The following DPP4 variants were observed in gnomAD, a reference collection of about 807,000 sequenced individuals.
DPP4 encodes the protein dipeptidyl peptidase 4, also known as ADCP-2.
A neutral mutation model predicts 122.4 loss-of-function variants in DPP4; 93 were observed. The ratio of observed to expected loss-of-function variants is 0.76; its 90% confidence interval spans 0.64 to 0.90. DPP4 has a LOEUF of 0.90. Among genes scored for constraint, DPP4 ranks in the 40% least tolerant of loss-of-function variants. The probability of loss-of-function intolerance (pLI) is 0.00; values close to 1 mark genes in which losing one functional copy is unlikely to be tolerated. For missense variants in DPP4, 914 were observed against 907.3 expected (o/e 1.01, Z -0.09); for synonymous variants, 321 against 302.9 (o/e 1.06, Z -0.62).
At chr2:162,017,216 G>A in intron 16 of DPP4, 61 bp from the exon 17 acceptor site, 1 of 1,438,238 alleles carries the variant, frequency 7.0e-7, no homozygotes, top group South Asian at 1.3e-5. Context: ...AGATAGTATA[G>A]ATGACTTTTC....
intron 4 of DPP4, 29 bp from the exon 5 acceptor site, chr2:162,045,641 T>C: frequency 2.0e-6 from 3 of 1,518,638 alleles, no homozygotes; most frequent in Non-Finnish European, 2.7e-6. Flanking sequence ...AAAGAAAAAT[T>C]GAACAATTCC....
chr2:162,073,459 G>A lies in DPP4; in HGVS notation c.34C>T (p.Leu12=), dbSNP rs1160988317. 2 of 1,614,076 alleles carry A rather than the reference G, an allele frequency of 1.2e-6. No individual in the cohort carries two copies. The highest frequency in any genetic ancestry group is 1.7e-6 in the Non-Finnish European group (2 of 1,180,022). Residue 12 remains leucine (L), a synonymous_variant, in exon 2 of 26, where the codon CTG becomes TTG. Transcript: ENST00000360534. ...KTPWKVLLGL[L]GAAALVTIIT... ...ATGGTGACAAGCGCAGCAGCACCCAGCAGTCCCAGAAGAACCTTCCACGGT... is the reference window on the plus strand; with the variant it reads ...ATGGTGACAAGCGCAGCAGCACCCAACAGTCCCAGAAGAACCTTCCACGGT...
intron 25 of DPP4, among the ~76,000 whole-genome samples, chr2:161,994,507 T>C (rs2106066538): frequency 6.6e-6 from 1 of 152,344 alleles, no homozygotes; most frequent in South Asian, 2.1e-4. Flanking sequence ...GATCACCTTG[T>C]AATTGCAAAA....
At position 161,995,179 on chromosome 2, in the gene DPP4, G is replaced by T. The variant is rs1392391132; in HGVS notation, c.2125+121C>A. 3.8e-6 allele frequency: 5 copies of T among 1,305,754 alleles called. No homozygotes were observed. In the Admixed American group the frequency reaches 5.2e-5, roughly 14 times the overall value. 80.9% of individuals were successfully genotyped at this position (1,305,754 alleles called of 1,614,324 possible). On this transcript the variant is annotated intron_variant, in intron 24 of 25. Transcript: ENST00000360534. ...TTTAGCCCAAGACAAGTGACTTGTG[G>T]AAAGCAACACTGTTTTATTGAAGTA...
chr2:162,015,427 T>C (rs1038166241), intron 18 of DPP4, among the ~76,000 whole-genome samples: 1 of 151,938 alleles, frequency 6.6e-6, no homozygotes, highest in African/African-American at 2.4e-5. Flanking sequence ...GTCTCTATTA[T>C]AATTTCAATA....
chr2:162,028,224 T>C (rs886079420), intron 10 of DPP4, among the ~76,000 whole-genome samples: 1 of 152,098 alleles, frequency 6.6e-6, no homozygotes, highest in East Asian at 1.9e-4. Flanking sequence ...TAGTCAGGCA[T>C]GGTGGGGCGC....
At chr2:162,069,622 A>G (rs530513806) in intron 2 of DPP4, among the ~76,000 whole-genome samples, 6 of 152,236 alleles carry the variant, frequency 3.9e-5, no homozygotes, top group Non-Finnish European at 8.8e-5. Flanking sequence ...GGTTGACAAT[A>G]GTTAACTGAG....
chr2:162,060,266 G>A (rs557116451), intron 2 of DPP4, among the ~76,000 whole-genome samples: 1 of 152,274 alleles, frequency 6.6e-6, no homozygotes, highest in South Asian at 2.1e-4. Context: ...AGTATCCTTA[G>A]GACTTGGGTC....
intron 10 of DPP4, chr2:162,032,096 T>C (rs964196007): frequency 2.0e-5 from 3 of 152,224 alleles, no homozygotes; most frequent in African/African-American, 4.8e-5. Context: ...AAATGGATGC[T>C]TCCGTACTGC....
In DPP4 at chr2:162,047,462, AGAGTGT is replaced by A. The variant is rs1684229346; in HGVS notation, c.128_133del (p.Tyr43_Thr44del). 1 of 1,586,964 alleles carries A rather than the reference AGAGTGT, an allele frequency of 6.3e-7. No homozygotes were observed. Among genetic ancestry groups the A allele is most frequent in the African/African-American group, 1.3e-5 (1 of 74,790 alleles). ...ATAAGTATTTTTTAAGTAATCAGTT[AGAGTGT>A]AAGTTTTGCGACTGTCAGCTGTAGC... is the stretch of plus-strand genomic sequence containing the variant. On this transcript the variant is annotated inframe_deletion, in exon 3 of 26. Coordinates refer to ENST00000360534, the MANE Select transcript of DPP4 (RefSeq NM_001935.4).
rs551108512 is a variant in DPP4 at position 162,005,581 on chromosome 2, G to T, written c.2052+164C>A. Reference sequence around the variant, plus strand: ...AAAGACTGTAATTATGCAGAATACAGTAAGGGAAGCTATTGGAGTATCTCT... The same window carrying T: ...AAAGACTGTAATTATGCAGAATACATTAAGGGAAGCTATTGGAGTATCTCT... On this transcript the variant is annotated intron_variant, in intron 23 of 25. Transcript: ENST00000360534. 3.9e-5 allele frequency: 23 copies of T among 587,248 alleles called. No individual in the cohort carries two copies. In the East Asian group the frequency reaches 6.4e-4, roughly 16 times the overall value. The allele number at this position is 587,248 out of a possible 1,614,324, so 36.4% of individuals were successfully genotyped here.
At chr2:162,009,513 T>TTGTGTGTGTGTGTGTGTG (rs57878632) in intron 20 of DPP4, among the ~76,000 whole-genome samples, 20 of 144,384 alleles carry the variant, frequency 1.4e-4, no homozygotes, top group African/African-American at 4.8e-4. Context: ...TTCATAAAAA[T>TTGTGTGTGTGTGTGTGTG]TGTGTGTGTG....
intron 22 of DPP4, 34 bp downstream of exon 22, chr2:162,008,528 C>T (rs202156445): frequency 6.3e-7 from 1 of 1,578,450 alleles, no homozygotes; most frequent in South Asian, 1.1e-5. Context: ...GGTCAACACT[C>T]CGTATCTCTT....
chr2:162,062,257 G>A (rs1416285105), intron 2 of DPP4, among the ~76,000 whole-genome samples: 1 of 152,206 alleles, frequency 6.6e-6, no homozygotes, highest in African/African-American at 2.4e-5. Flanking sequence ...ACTCCAGCCT[G>A]AGCGACAGAG....
rs781687863 is a variant in DPP4, at chr2:162,016,808, C to T, written c.1527G>A (p.Met509Ile). 12 of 1,612,656 alleles carry T rather than the reference C, an allele frequency of 7.4e-6. No homozygotes were observed. Among genetic ancestry groups the T allele is most frequent in the Admixed American group, 1.7e-5 (1 of 59,702 alleles). ...ALDKMLQNVQ[M>I]PSKKLDFIIL... ...TAATGAAGTCCAGTTTTTTGGAGGGCATCTGGACATTCTGCAGCATTTTAT... is the reference window on the plus strand; with the variant it reads ...TAATGAAGTCCAGTTTTTTGGAGGGTATCTGGACATTCTGCAGCATTTTAT... The change falls in exon 18 of 26, where the codon ATG (methionine) becomes ATA (isoleucine). Residue 509 changes from methionine to isoleucine, a missense_variant. Physicochemically the swap from Met to Ile is conservative, Grantham distance 10. Coordinates refer to ENST00000360534, the MANE Select transcript of DPP4 (RefSeq NM_001935.4).
intron 23 of DPP4, among the ~76,000 whole-genome samples, chr2:161,997,315 G>A (rs1701031062): frequency 6.6e-6 from 1 of 151,978 alleles, no homozygotes; most frequent in African/African-American, 2.4e-5. Context: ...AAATCCATCT[G>A]TCCATCCATC....
chr2:161,995,807 C>T (rs1260814966), intron 23 of DPP4, among the ~76,000 whole-genome samples: 1 of 152,188 alleles, frequency 6.6e-6, no homozygotes, highest in Non-Finnish European at 1.5e-5. Context: ...TTTCAAAGAG[C>T]CTGTACATAG....
At chr2:162,020,722 GCA>G (rs1490353067) in intron 12 of DPP4, 34 bp from the exon 13 acceptor site, 2 of 1,511,042 alleles carry the variant, frequency 1.3e-6, no homozygotes, top group African/African-American at 2.8e-5. Context: ...GAACATTAAA[GCA>G]CAGTGTCTCA....
In DPP4 at chr2:162,047,441, G is replaced by A; in HGVS notation, c.155C>T (p.Thr52Ile). The A allele has an allele frequency of 1.3e-6, 2 of 1,586,374 alleles. No homozygotes were observed. The highest frequency in any genetic ancestry group is 1.7e-6 in the Non-Finnish European group (2 of 1,161,032). ...TAAGGAGTATAACTTCAGTCTATAA[G>A]TATTTTTTAAGTAATCAGTTAGAGT... ...TYTLTDYLKN[T>I]YRLKLYSLRW... The change falls in exon 3 of 26, where the codon ACT becomes ATT. Residue 52 changes from threonine (T) to isoleucine (I), a missense_variant. Transcript: ENST00000360534.
Sources: allele counts gnomAD v4.1 joint callset (sites outside exome capture counted in the v4.1 genomes callset), GRCh38; gene constraint gnomAD v4.1.1; transcripts MANE v1.5; gene names NCBI Gene and HGNC (gene_info 2026-07-23, HGNC 2026-07-21).